The following CSGALNACT1 variants were observed in gnomAD, a reference collection of about 807,000 sequenced individuals.
The protein encoded by CSGALNACT1 is chondroitin sulfate N-acetylgalactosaminyltransferase 1.
In CSGALNACT1, 52 loss-of-function variants were observed where a neutral mutation model predicts 51.0. The ratio of observed to expected loss-of-function variants is 1.02; its 90% CI spans 0.82 to 1.29. The LOEUF is 1.29. CSGALNACT1 is among the 50% of genes most tolerant of loss of function. CSGALNACT1 has a pLI of 0.00. For missense variants in CSGALNACT1, 935 were observed against 679.2 expected, an observed-to-expected ratio of 1.38 and a Z score of -4.19; for synonymous variants, 341 against 254.4, an observed-to-expected ratio of 1.34 and a Z score of -3.24.
intron 4 of CSGALNACT1, among the ~76,000 whole-genome samples, chr8:19,502,446 G>T (rs1470267837): frequency 2.0e-5 from 3 of 152,172 alleles, no homozygotes. Context: ...AGCCTGAAGT[G>T]TTACATAACT....
chr8:19,623,740 A>G (rs958343780), intron 1 of CSGALNACT1, among the ~76,000 whole-genome samples: 1 of 152,236 alleles, frequency 6.6e-6, no homozygotes, highest in Admixed American at 6.5e-5. Context: ...AGAATTCATG[A>G]ATCAGAAACT....
intron 5 of CSGALNACT1, among the ~76,000 whole-genome samples, chr8:19,455,574 G>C (rs1373480836): frequency 6.6e-6 from 1 of 152,172 alleles, no homozygotes; most frequent in African/African-American, 2.4e-5. Flanking sequence ...ACCATGCCCT[G>C]AATAACCCCT....
exon 10 of CSGALNACT1, chr8:19,405,823 T>C (rs1315521362): frequency 6.2e-7 from 1 of 1,614,166 alleles, no homozygotes; most frequent in Non-Finnish European, 8.5e-7. Flanking sequence ...TTTGCGAAGG[T>C]GAGCCTCTAT....
chr8:19,537,950 T>C (rs149459642), intron 3 of CSGALNACT1, among the ~76,000 whole-genome samples: 84 of 152,274 alleles, frequency 5.5e-4, no homozygotes, highest in African/African-American at 1.9e-3. Flanking sequence ...AATGAAAAGA[T>C]AAGCTATGGA....
intron 3 of CSGALNACT1, among the ~76,000 whole-genome samples, chr8:19,512,838 T>C (rs902975197): frequency 6.6e-6 from 1 of 152,126 alleles, no homozygotes; most frequent in Non-Finnish European, 1.5e-5. Flanking sequence ...CTTTAGGAAA[T>C]CTGTAAAGTT....
intron 5 of CSGALNACT1, among the ~76,000 whole-genome samples, chr8:19,441,555 T>G (rs1386240507): frequency 6.6e-6 from 1 of 152,262 alleles, no homozygotes; most frequent in Middle Eastern, 3.4e-3. Context: ...TTACACCTTA[T>G]ACAAAAATGA....
chr8:19,615,882 C>T (rs1405930592), intron 1 of CSGALNACT1, among the ~76,000 whole-genome samples: 1 of 152,142 alleles, frequency 6.6e-6, no homozygotes, highest in Non-Finnish European at 1.5e-5. Context: ...ACGTCAACCT[C>T]ATTAATAAAA....
chr8:19,603,235 T>C (rs2050828647), upstream of CSGALNACT1, among the ~76,000 whole-genome samples: 1 of 152,116 alleles, frequency 6.6e-6, no homozygotes. Context: ...TCCATGGGGA[T>C]GGCCTCCAAA....
chr8:19,408,855 A>G (rs548512395), intron 8 of CSGALNACT1, among the ~76,000 whole-genome samples, 161 bp from the exon 8 acceptor site: 1 of 152,086 alleles, frequency 6.6e-6, no homozygotes, highest in South Asian at 2.1e-4. Context: ...GTCCTTGCAG[A>G]CAGTCAGGAA....
rs571188754 is a variant in CSGALNACT1, at chr8:19,671,128, T to A, written c.-544+11345A>T. On this transcript the variant is annotated intron_variant, in intron 1 of 9. Transcript: ENST00000332246. ...GGAGGGCAGGAAGAGTTAAGTCAAC[T>A]GACTGGCCTGAAGGGTGTTGGAAAG... Among the ~76,000 whole-genome samples the A allele has an allele frequency of 4.5e-4, 69 of 152,260 alleles. 1 individual carries two copies. The South Asian group carries it at 0.011, about 24-fold the overall frequency.
At chr8:19,420,281 G>A (rs2057702109) in intron 7 of CSGALNACT1, 59 bp downstream of exon 6, 1 of 1,521,054 alleles carries the variant, frequency 6.6e-7, no homozygotes, top group Non-Finnish European at 9.1e-7. Flanking sequence ...TCAAGAGGAC[G>A]ACACATGGGC....
rs572963872 is a variant in CSGALNACT1 at position 19,631,893 on chromosome 8, G to T, written c.-543-30028C>A. 2.0e-5 allele frequency among the ~76,000 whole-genome samples: 3 copies of T among 152,258 alleles called. No individual in the cohort carries two copies. In the East Asian group the frequency reaches 5.8e-4, roughly 29 times the overall value. On this transcript the variant is annotated intron_variant, in intron 1 of 9. Transcript: ENST00000332246. ...GGCCAGGGCAGCAGGGAGGGGCCTG[G>T]CATTTCCTTCTTCTATAGCTTATCC...
At chr8:19,693,528 T>C (rs959337375) in intron 1 of CSGALNACT1, among the ~76,000 whole-genome samples, 2 of 152,194 alleles carry the variant, frequency 1.3e-5, no homozygotes, top group Non-Finnish European at 2.9e-5. Flanking sequence ...CCATGACTAA[T>C]GCAGCCTCCT....
chr8:19,506,440 C>T (rs1193139153), intron 3 of CSGALNACT1, among the ~76,000 whole-genome samples: 1 of 152,170 alleles, frequency 6.6e-6, no homozygotes, highest in Non-Finnish European at 1.5e-5. Flanking sequence ...GTAATTTCTG[C>T]ATAGTGGCGC....
At chr8:19,531,198 ATATC>A (rs1443788836) in intron 3 of CSGALNACT1, among the ~76,000 whole-genome samples, 1 of 152,346 alleles carries the variant, frequency 6.6e-6, no homozygotes, top group Non-Finnish European at 1.5e-5. Flanking sequence ...AGGGAGGCAG[ATATC>A]TATCATCTTT....
At chr8:19,569,029 T>C (rs1006015880) in intron 3 of CSGALNACT1, among the ~76,000 whole-genome samples, 1 of 152,216 alleles carries the variant, frequency 6.6e-6, no homozygotes, top group East Asian at 1.9e-4. Flanking sequence ...ATTTTAACAC[T>C]GCAACTTCAT....
At chr8:19,614,939 T>C (rs1274775379) in intron 1 of CSGALNACT1, among the ~76,000 whole-genome samples, 2 of 151,916 alleles carry the variant, frequency 1.3e-5, no homozygotes, top group Admixed American at 6.6e-5. Flanking sequence ...AGCTAAAGAG[T>C]TTTGCAGTGA....
intron 3 of CSGALNACT1, among the ~76,000 whole-genome samples, chr8:19,532,284 C>G (rs2082925982): frequency 6.6e-6 from 1 of 152,160 alleles, no homozygotes. Flanking sequence ...AAGCTATACC[C>G]ACCCTCCTCC....
chr8:19,471,301 T>G (rs1428885370), intron 4 of CSGALNACT1, among the ~76,000 whole-genome samples: 1 of 152,006 alleles, frequency 6.6e-6, no homozygotes, highest in Non-Finnish European at 1.5e-5. Context: ...AAGGGGTGAA[T>G]CATGGGGAAG....
Sources: gnomAD v4.1 joint callset for allele counts (sites outside exome capture counted in the v4.1 genomes callset) on GRCh38, gnomAD v4.1.1 for gene constraint, MANE v1.5 for transcripts, NCBI Gene and HGNC (gene_info 2026-07-23, HGNC 2026-07-21) for gene names.